The following CDH4 variants were observed in gnomAD, a reference collection of about 807,000 sequenced individuals.
CDH4 encodes cadherin 4.
A neutral mutation model predicts 86.0 loss-of-function variants in CDH4; 33 were observed. The ratio of observed to expected loss-of-function variants is 0.38; its 90% CI spans 0.29 to 0.51. The LOEUF (loss-of-function observed/expected upper bound fraction) is 0.51, where lower values mean the gene tolerates loss of function less well. Among genes scored for constraint, CDH4 ranks in the 20% least tolerant of loss-of-function variants. The probability of loss-of-function intolerance (pLI) is 0.86; values close to 1 mark genes in which losing one functional copy is unlikely to be tolerated. For missense variants in CDH4, 1,114 were observed against 1,307.4 expected (o/e 0.85, Z 2.28); for synonymous variants, 555 against 549.4 (o/e 1.01, Z -0.14).
intron 6 of CDH4, among the ~76,000 whole-genome samples, chr20:61,873,477 A>G (rs1036821112): frequency 1.1e-4 from 16 of 152,354 alleles, no homozygotes; most frequent in African/African-American, 3.8e-4. Flanking sequence ...CCCCAGCCAA[A>G]AAAGGAAGAG....
chr20:61,546,187 G>T (rs567410926), intron 2 of CDH4, among the ~76,000 whole-genome samples: 1 of 131,346 alleles, frequency 7.6e-6, no homozygotes, highest in Non-Finnish European at 1.6e-5. Flanking sequence ...GGGGTATGTG[G>T]GATACGGTAT....
chr20:61,847,296 C>T (rs1297285851), intron 5 of CDH4, among the ~76,000 whole-genome samples: 1 of 152,248 alleles, frequency 6.6e-6, no homozygotes, highest in Non-Finnish European at 1.5e-5. Flanking sequence ...CACCTTGAAG[C>T]CTAAGGCACA....
intron 4 of CDH4, among the ~76,000 whole-genome samples, chr20:61,805,304 G>T: frequency 6.6e-6 from 1 of 152,334 alleles, no homozygotes; most frequent in Non-Finnish European, 1.5e-5. Context: ...GGGGAGAGTG[G>T]ACAGTGGACA....
At chr20:61,532,730 T>C (rs59218463) in intron 2 of CDH4, among the ~76,000 whole-genome samples, 5,409 of 152,282 alleles carry the variant, frequency 0.036, 310 homozygotes, top group African/African-American at 0.12. Flanking sequence ...ACGGGTTCTC[T>C]GGCCGGGTTC....
chr20:61,893,446 G>T (rs1028906831), intron 7 of CDH4, among the ~76,000 whole-genome samples: 8 of 148,828 alleles, frequency 5.4e-5, no homozygotes, highest in African/African-American at 1.7e-4. Flanking sequence ...ATGGGTGGGT[G>T]AATAGAGGGA....
chr20:61,368,486 C>T (rs1343060869), intron 2 of CDH4, among the ~76,000 whole-genome samples: 1 of 152,194 alleles, frequency 6.6e-6, no homozygotes, highest in African/African-American at 2.4e-5. Flanking sequence ...TTGGACTTCC[C>T]AGCCTCCAAA....
intron 5 of CDH4, among the ~76,000 whole-genome samples, chr20:61,850,976 G>A (rs1600710805): frequency 6.6e-6 from 1 of 152,248 alleles, no homozygotes; most frequent in African/African-American, 2.4e-5. Flanking sequence ...CTTTAGTTAG[G>A]AGATAATAAC....
intron 2 of CDH4, among the ~76,000 whole-genome samples, chr20:61,637,913 T>C (rs2024710): frequency 0.62 from 94,146 of 151,588 alleles, 29,697 homozygotes; most frequent in African/African-American, 0.73. Flanking sequence ...CCCAGCTATT[T>C]GGGAGGCTGA....
intron 6 of CDH4, among the ~76,000 whole-genome samples, chr20:61,865,132 C>A: frequency 6.6e-6 from 1 of 152,062 alleles, no homozygotes; most frequent in East Asian, 1.9e-4. Context: ...AACAGCTCTG[C>A]CAGGTACCCC....
intron 6 of CDH4, among the ~76,000 whole-genome samples, chr20:61,869,101 G>T (rs1191942344): frequency 6.6e-5 from 10 of 152,354 alleles, no homozygotes; most frequent in African/African-American, 2.4e-4. Context: ...CTATGATTTT[G>T]ATGGTAAAAC....
chr20:61,362,376 A>G (rs2084788300), intron 2 of CDH4, among the ~76,000 whole-genome samples: 1 of 151,728 alleles, frequency 6.6e-6, no homozygotes, highest in East Asian at 1.9e-4. Context: ...AGCATAGGGC[A>G]GGGCAGAGAT....
chr20:61,286,230 T>G (rs1447152527), intron 2 of CDH4, among the ~76,000 whole-genome samples: 2 of 152,206 alleles, frequency 1.3e-5, no homozygotes, highest in Non-Finnish European at 2.9e-5. Context: ...CCCGGCTTGA[T>G]TAGCTGGACA....
intron 6 of CDH4, among the ~76,000 whole-genome samples, chr20:61,857,045 G>C (rs1435020657): frequency 6.6e-6 from 1 of 152,254 alleles, no homozygotes; most frequent in Non-Finnish European, 1.5e-5. Context: ...GACAGCCCTG[G>C]GGGTGAGGGG....
chr20:61,694,033 C>T (rs2087690357), intron 2 of CDH4, among the ~76,000 whole-genome samples: 1 of 151,794 alleles, frequency 6.6e-6, no homozygotes, highest in African/African-American at 2.4e-5. Flanking sequence ...GGTGGGATTA[C>T]AGGTGCCCGC....
At chr20:61,687,259 C>T (rs2087594036) in intron 2 of CDH4, among the ~76,000 whole-genome samples, 2 of 152,358 alleles carry the variant, frequency 1.3e-5, no homozygotes, top group South Asian at 2.1e-4. Flanking sequence ...ACATCATCCA[C>T]TGGACTGAGC....
chr20:61,609,612 CAGG>C (rs765676923), intron 2 of CDH4, among the ~76,000 whole-genome samples: 22 of 152,252 alleles, frequency 1.4e-4, no homozygotes, highest in Non-Finnish European at 2.6e-4. Context: ...AGGGAAATTC[CAGG>C]AGATGTCACG....
intron 2 of CDH4, among the ~76,000 whole-genome samples, chr20:61,394,947 G>A (rs1171032431): frequency 1.4e-5 from 2 of 143,726 alleles, no homozygotes; most frequent in Non-Finnish European, 3.0e-5. Context: ...GGTCCATCCT[G>A]GAAAAGCGCT....
In CDH4 at chr20:61,835,497, C is replaced by T. The variant is rs552672540; in HGVS notation, c.577-9171C>T. 2.0e-5 allele frequency among the ~76,000 whole-genome samples: 3 copies of T among 152,272 alleles called. No individual in the cohort carries two copies. The East Asian group carries it at 5.8e-4, about 30-fold the overall frequency. On this transcript the variant is annotated intron_variant, in intron 4 of 15. Transcript: ENST00000614565. ...CACCCAGCCCCTGCCATCATGAGGT[C>T]GGCTTCTTTGCTAATGATTCACAGC...
intron 2 of CDH4, chr20:61,570,358 C>A: frequency 3.2e-6 from 1 of 315,680 alleles, no homozygotes. Flanking sequence ...ACTTCCCAGG[C>A]CAGACAGGAA....
Sources: allele counts gnomAD v4.1 joint callset (sites outside exome capture counted in the v4.1 genomes callset), GRCh38; gene constraint gnomAD v4.1.1; transcripts MANE v1.5; gene names NCBI Gene and HGNC (gene_info 2026-07-23, HGNC 2026-07-21).